SSPN: variants seen among roughly 807,000 people sequenced by gnomAD.
SSPN encodes K-ras oncogene-associated protein.
A neutral mutation model predicts 19.1 loss-of-function variants in SSPN; 15 were observed. That is an observed-to-expected ratio of 0.78 (90% CI 0.52 to 1.21). The LOEUF (loss-of-function observed/expected upper bound fraction) is 1.21, where lower values mean the gene tolerates loss of function less well. SSPN is among the 50% of genes most tolerant of loss of function. The pLI is 0.00. For missense variants in SSPN, 291 were observed against 314.0 expected (o/e 0.93, Z 0.55); for synonymous variants, 147 against 140.3 (o/e 1.05, Z -0.34).
At chr12:26,125,556 G>A (rs571545994) in intron 1 of SSPN, 1 of 152,852 alleles carries the variant, frequency 6.5e-6, no homozygotes, top group African/African-American at 2.4e-5. Context: ...AGGTTGCCTC[G>A]AGAAGAAGCA....
At chr12:26,169,045 T>G (rs889441127) in intron 1 of SSPN, among the ~76,000 whole-genome samples, 3 of 142,664 alleles carry the variant, frequency 2.1e-5, no homozygotes, top group Non-Finnish European at 4.6e-5. Flanking sequence ...AAAAAAACAC[T>G]TAAGGTAATG....
intron 1 of SSPN, among the ~76,000 whole-genome samples, chr12:26,153,859 G>A (rs1478094110): frequency 6.6e-6 from 1 of 152,224 alleles, no homozygotes; most frequent in Non-Finnish European, 1.5e-5. Context: ...GGGAGAACTA[G>A]TACCTTATGG....
intron 1 of SSPN, among the ~76,000 whole-genome samples, chr12:26,210,664 C>T (rs911401655): frequency 1.3e-5 from 2 of 151,690 alleles, no homozygotes; most frequent in Non-Finnish European, 1.5e-5. Flanking sequence ...CCTCAAACTG[C>T]CCCCCTGCAT....
chr12:26,222,044 A>G (rs1165904511), intron 1 of SSPN, among the ~76,000 whole-genome samples: 1 of 152,168 alleles, frequency 6.6e-6, no homozygotes, highest in Non-Finnish European at 1.5e-5. Context: ...GGCTACATGA[A>G]TAACTTCAGT....
intron 1 of SSPN, among the ~76,000 whole-genome samples, chr12:26,198,203 G>A (rs1369687729): frequency 3.3e-5 from 5 of 151,946 alleles, no homozygotes; most frequent in African/African-American, 7.3e-5. Context: ...TTGCTCTGTC[G>A]CCCAGGCTAG....
chr12:26,177,651 C>T (rs1565679127), intron 1 of SSPN, among the ~76,000 whole-genome samples: 2 of 152,122 alleles, frequency 1.3e-5, no homozygotes, highest in South Asian at 2.1e-4. Flanking sequence ...AGGTTCTACT[C>T]GTGAATCCTT....
At chr12:26,194,663 C>T (rs557824565), upstream of SSPN, among the ~76,000 whole-genome samples, 10 of 152,274 alleles carry the variant, frequency 6.6e-5, no homozygotes, top group South Asian at 1.5e-3. Context: ...GGATTACAGG[C>T]GTGAGCCAAC....
intron 1 of SSPN, among the ~76,000 whole-genome samples, chr12:26,133,534 T>G: frequency 6.6e-6 from 1 of 152,218 alleles, no homozygotes; most frequent in East Asian, 1.9e-4. Context: ...CAGAGGAGAT[T>G]AAAGGCATAA....
chr12:26,180,916 G>C (rs916549799), intron 1 of SSPN: 1 of 152,152 alleles, frequency 6.6e-6, no homozygotes, highest in Admixed American at 6.5e-5. Flanking sequence ...TGGAAAGGAA[G>C]AATAAAAAAT....
intron 1 of SSPN, among the ~76,000 whole-genome samples, chr12:26,147,278 G>GTT (rs375676175): frequency 0.52 from 76,301 of 146,648 alleles, 23,221 homozygotes; most frequent in Non-Finnish European, 0.67. Flanking sequence ...TTTTTTTTGT[G>GTT]TTTTTTTTTT....
At chr12:26,151,384 A>C (rs962268832) in intron 1 of SSPN, among the ~76,000 whole-genome samples, 2 of 152,166 alleles carry the variant, frequency 1.3e-5, no homozygotes, top group Non-Finnish European at 2.9e-5. Context: ...TCAACCATAA[A>C]AAAAAAATCA....
intron 1 of SSPN, among the ~76,000 whole-genome samples, chr12:26,204,059 C>G (rs11048430): frequency 0.022 from 3,348 of 152,236 alleles, 126 homozygotes; most frequent in African/African-American, 0.077. Flanking sequence ...ATATGACTTA[C>G]GGGGACACAA....
At chr12:26,177,642 G>T (rs1944692718) in intron 1 of SSPN, among the ~76,000 whole-genome samples, 1 of 152,154 alleles carries the variant, frequency 6.6e-6, no homozygotes, top group Non-Finnish European at 1.5e-5. Flanking sequence ...TGAGGCGATA[G>T]GTTCTACTCG....
rs190806322 is a variant in SSPN, at chr12:26,184,744, G to A, written c.-30-39549G>A. ...CAGAGGAAAGACTATTACAGAAAATGGTAAATAAAGTGAAAAAAACTTCTC... is the reference window on the plus strand; with the variant it reads ...CAGAGGAAAGACTATTACAGAAAATAGTAAATAAAGTGAAAAAAACTTCTC... On this transcript the variant is annotated intron_variant, in intron 1 of 2. Transcript: ENST00000538142. 4.3e-4 allele frequency among the ~76,000 whole-genome samples: 66 copies of A among 152,142 alleles called. 1 individual carries two copies. The highest frequency in any genetic ancestry group is 1.5e-3 in the African/African-American group (63 of 41,518).
At chr12:26,182,614 CTT>C (rs1944726508) in intron 1 of SSPN, among the ~76,000 whole-genome samples, 1 of 139,164 alleles carries the variant, frequency 7.2e-6, no homozygotes, top group Non-Finnish European at 1.6e-5. Flanking sequence ...CTTCCCTTCC[CTT>C]CCCTTCCCTT....
chr12:26,224,382 A>C lies in SSPN; in HGVS notation c.366+3A>C. ...CATGTATTCAATTTTCTATGAAAGT[A>C]AGTTGTGATTGTTCTTTCTCTTTTA... On this transcript the variant is annotated splice_donor_region_variant and intron_variant, in intron 2 of 2. Transcript: ENST00000242729. 6.2e-7 allele frequency: 1 copy of C among 1,604,736 alleles called. No individual in the cohort carries two copies. The highest frequency in any genetic ancestry group is 8.5e-7 in the Non-Finnish European group (1 of 1,171,462).
At chr12:26,224,650 A>C (rs866307705) in intron 2 of SSPN, among the ~76,000 whole-genome samples, 6 of 151,528 alleles carry the variant, frequency 4.0e-5, no homozygotes, top group Middle Eastern at 3.4e-3. Flanking sequence ...AAAATTCATC[A>C]GTTCAACAAA....
chr12:26,211,480 T>C (rs1175357010), intron 1 of SSPN: 2 of 152,236 alleles, frequency 1.3e-5, no homozygotes, highest in African/African-American at 2.4e-5. Context: ...TTTGGAACTT[T>C]TGAATTGTAG....
intron 1 of SSPN, among the ~76,000 whole-genome samples, chr12:26,204,981 C>G (rs1053519903): frequency 6.6e-6 from 1 of 152,168 alleles, no homozygotes; most frequent in African/African-American, 2.4e-5. Flanking sequence ...GCTAGAGCCA[C>G]GGTCCCTAAT....
Sources: allele counts gnomAD v4.1 joint callset (sites outside exome capture counted in the v4.1 genomes callset), GRCh38; gene constraint gnomAD v4.1.1; transcripts MANE v1.5; gene names NCBI Gene and HGNC (gene_info 2026-07-23, HGNC 2026-07-21).